Variants in HLX observed in about 807,000 individuals in gnomAD.
The protein encoded by HLX is H2.0-like homeobox protein.
In HLX, 6 loss-of-function variants were observed where a neutral mutation model predicts 27.7. The ratio of observed to expected loss-of-function variants is 0.22; its 90% CI spans 0.12 to 0.43. The LOEUF (loss-of-function observed/expected upper bound fraction) is 0.43. HLX is among the 20% of genes least tolerant of loss of function. The pLI is 1.00. For missense variants in HLX, 666 were observed against 655.2 expected, an observed-to-expected ratio of 1.02 and a Z score of -0.18; for synonymous variants, 328 against 293.8, an observed-to-expected ratio of 1.12 and a Z score of -1.19.
rs1024335756 is a variant in HLX at position 220,884,867 on chromosome 1, A to G, written c.*163A>G. The G allele has an allele frequency of 5.2e-6, 6 of 1,164,302 alleles. No homozygotes were observed. In the African/African-American group the frequency reaches 7.7e-5, roughly 15 times the overall value. The allele number at this position is 1,164,302 out of a possible 1,614,324, so 72.1% of individuals were successfully genotyped here. A position where few individuals can be genotyped will look rare whatever the true frequency, so the allele number is the denominator to read the frequency against. On this transcript the variant is annotated 3_prime_UTR_variant, in exon 4 of 4. Coordinates refer to ENST00000366903, the MANE Select transcript of HLX (RefSeq NM_021958.4). This position sits in a 1 kb window ranked among gnomAD's most constrained non-coding sequence, Gnocchi z 4.9. ...GCCCCACGCTGCTCCGACTGGCTGC[A>G]GCGGACACTGCCCAAAGCAGAGGGG...
In HLX at chr1:220,882,357, G is replaced by T; in HGVS notation, c.957+9G>T. ...GCCTCACGGACGCACAGGTAAGGCA[G>T]TTCTGGCTCCAGCGCACAGCGCCCT... On this transcript the variant is annotated intron_variant, in intron 3 of 3. Coordinates refer to ENST00000366903, the MANE Select transcript of HLX (RefSeq NM_021958.4). 1 of 1,613,786 alleles carries T rather than the reference G, an allele frequency of 6.2e-7. No individual in the cohort carries two copies. Among genetic ancestry groups the T allele is most frequent in the Non-Finnish European group, 8.5e-7 (1 of 1,179,862 alleles).
In HLX at chr1:220,879,665, C is replaced by T; in HGVS notation, c.-193C>T. 2 of 889,966 alleles carry T rather than the reference C, an allele frequency of 2.2e-6. No individual in the cohort carries two copies. Among genetic ancestry groups the T allele is most frequent in the South Asian group, 2.0e-5 (1 of 48,828 alleles). 55.1% of individuals were successfully genotyped at this position (889,966 alleles called of 1,614,324 possible). Reference sequence around the variant, plus strand: ...GGCCAGGGAGCGAGGCGGTGACCGGCCGAGATCCGGCCCTCGCCTCCTCCC... The same window carrying T: ...GGCCAGGGAGCGAGGCGGTGACCGGTCGAGATCCGGCCCTCGCCTCCTCCC... On this transcript the variant is annotated 5_prime_UTR_variant, in exon 1 of 4. Coordinates refer to ENST00000366903, the MANE Select transcript of HLX (RefSeq NM_021958.4).
At chr1:220,882,592 G>C (rs1285989221) in intron 3 of HLX, 1 of 534,630 alleles carries the variant, frequency 1.9e-6, no homozygotes, top group African/African-American at 1.9e-5. Context: ...AGCACTGCAT[G>C]TTTATTTTGG....
At chr1:220,882,442 C>T (rs555268090) in intron 3 of HLX, 94 bp downstream of exon 3, 36 of 1,166,856 alleles carry the variant, frequency 3.1e-5, no homozygotes, top group Non-Finnish European at 4.5e-5. Context: ...GCCGACTGGC[C>T]TCCTGCGGTG....
At chr1:220,882,493 C>A in intron 3 of HLX, 145 bp downstream of exon 3, 1 of 706,226 alleles carries the variant, frequency 1.4e-6, no homozygotes, top group Non-Finnish European at 2.4e-6. Flanking sequence ...TTGTGGACTA[C>A]GCAACTTGAG....
Position 220,884,663 on chromosome 1 carries a change from A to C in HLX, c.1426A>C (p.Lys476Gln). ...ACAGCCCACAGCCAGCAGCGCTCCCAAAAGCCCCGAGCCAGCCCAAGGCGC... is the reference window on the plus strand; with the variant it reads ...ACAGCCCACAGCCAGCAGCGCTCCCCAAAGCCCCGAGCCAGCCCAAGGCGC... ...ATQPTASSAP[K>Q]SPEPAQGALG... Residue 476 changes from lysine (K) to glutamine (Q), a missense_variant, in exon 4 of 4, where the codon AAA becomes CAA. Physicochemically the swap from Lys to Gln is moderately conservative, Grantham distance 53 (BLOSUM62 1). Coordinates refer to ENST00000366903, the MANE Select transcript of HLX (RefSeq NM_021958.4). The surrounding 1 kb of genome is among the most constrained non-coding windows in gnomAD (Gnocchi z 4.9). The C allele has an allele frequency of 6.2e-7, 1 of 1,610,776 alleles. No individual in the cohort carries two copies. The highest frequency in any genetic ancestry group is 8.5e-7 in the Non-Finnish European group (1 of 1,179,376).
intron 1 of HLX, chr1:220,880,692 A>G (rs879473383): frequency 1.2e-5 from 7 of 588,464 alleles, no homozygotes; most frequent in Non-Finnish European, 1.8e-5. Context: ...AATATTTATA[A>G]AAGTGGTTGG....
Position 220,880,502 on chromosome 1 carries a change from A to C in HLX, c.592+53A>C, listed in dbSNP as rs1674402449. 11 of 1,598,324 alleles carry C rather than the reference A, an allele frequency of 6.9e-6. No individual in the cohort carries two copies. The South Asian group carries it at 1.2e-4, about 18-fold the overall frequency. The stretch of plus-strand genomic sequence containing the variant: ...CTCTGACCACTGACCCACTCCCCGG[A>C]CCCCGGGCTGGCTTGGGGTGCCTTT... On this transcript the variant is annotated intron_variant, in intron 1 of 3. Coordinates refer to ENST00000366903, the MANE Select transcript of HLX (RefSeq NM_021958.4).
At chr1:220,883,292 C>T (rs1674498413) in intron 3 of HLX, 1 of 18,084 alleles carries the variant, frequency 5.5e-5, no homozygotes, top group Non-Finnish European at 1.0e-4. Flanking sequence ...AGTACACACA[C>T]ACACACACAC....
intron 2 of HLX, chr1:220,881,593 A>C: frequency 1.2e-5 from 7 of 581,216 alleles, no homozygotes; most frequent in East Asian, 3.1e-5. Flanking sequence ...GATCCCAGAA[A>C]GTGTGTGCGT....
chr1:220,879,989 C>A lies in HLX; in HGVS notation c.132C>A (p.Phe44Leu). ...LDPAAVKKPS[F>L]CIADILHAGV... ...CCGCCGCCGTCAAAAAGCCCTCCTT[C>A]TGCATCGCAGACATTCTGCACGCCG... The change falls in exon 1 of 4, where the codon TTC (phenylalanine) becomes TTA (leucine). Residue 44 changes from phenylalanine (F) to leucine (L), a missense_variant. Phe to Leu is a conservative substitution (Grantham distance 22, BLOSUM62 0). Coordinates refer to ENST00000366903, the MANE Select transcript of HLX (RefSeq NM_021958.4). The A allele has an allele frequency of 1.3e-6, 2 of 1,598,790 alleles. No homozygotes were observed. The highest frequency in any genetic ancestry group is 2.2e-5 in the South Asian group (2 of 90,752).
intron 3 of HLX, 80 bp downstream of exon 3, chr1:220,882,428 C>G: frequency 7.4e-7 from 1 of 1,351,078 alleles, no homozygotes; most frequent in Non-Finnish European, 1.0e-6. Context: ...TCCCCTCCAT[C>G]CCGGCCGACT....
intron 3 of HLX, 197 bp downstream of exon 3, chr1:220,882,545 C>G (rs1324249152): frequency 1.2e-5 from 7 of 592,302 alleles, no homozygotes; most frequent in African/African-American, 1.1e-4. Context: ...GGGAGAAGGA[C>G]CGAGAGAAGA....
Position 220,879,965 on chromosome 1 carries a change from C to T in HLX, c.108C>T (p.Pro36=), listed in dbSNP as rs1674386625. 1 of 1,598,710 alleles carries T rather than the reference C, an allele frequency of 6.3e-7. No homozygotes were observed. The highest frequency in any genetic ancestry group is 1.3e-5 in the African/African-American group (1 of 74,932). ...GPGGCSFPLD[P]AAVKKPSFCI... ...GCGGCTGCTCCTTCCCCTTGGACCCCGCCGCCGTCAAAAAGCCCTCCTTCT... is the reference window on the plus strand; with the variant it reads ...GCGGCTGCTCCTTCCCCTTGGACCCTGCCGCCGTCAAAAAGCCCTCCTTCT... The change falls in exon 1 of 4, where the codon CCC becomes CCT. Residue 36 remains proline, a synonymous_variant. Coordinates refer to ENST00000366903, the MANE Select transcript of HLX (RefSeq NM_021958.4).
chr1:220,884,564 A>T lies in HLX; in HGVS notation c.1327A>T (p.Ser443Cys), dbSNP rs1325509471. Reference sequence around the variant, plus strand: ...CAGCTTCAGCAGCGCCAGCAGTCTTAGTAGCAGCAGCACCAGTGCGGGTTG... The same window carrying T: ...CAGCTTCAGCAGCGCCAGCAGTCTTTGTAGCAGCAGCACCAGTGCGGGTTG... Reference protein sequence around the residue: ...SFSFSSASSLSSSSTSAGCAS... With the variant: ...SFSFSSASSLCSSSTSAGCAS... Residue 443 changes from serine to cysteine, a missense_variant, in exon 4 of 4, where the codon AGT becomes TGT. Physicochemically the swap from Ser to Cys is moderately radical, Grantham distance 112. Transcript: ENST00000366903. The surrounding 1 kb of genome is among the most constrained non-coding windows in gnomAD (Gnocchi z 4.9). 6.2e-7 allele frequency: 1 copy of T among 1,607,994 alleles called. No individual in the cohort carries two copies. Among genetic ancestry groups the T allele is most frequent in the Admixed American group, 1.7e-5 (1 of 59,004 alleles).
chr1:220,880,291 G>C lies in HLX; in HGVS notation c.434G>C (p.Gly145Ala), dbSNP rs371600047. ...CAGCCTCCGCCTCCGCCCCGGGCTG[G>C]CGCCCTGCAGCCCCCGGCCTCGGGG... ...QQQPPPPPRA[G>A]ALQPPASGTR... Residue 145 changes from glycine (G) to alanine (A), a missense_variant, in exon 1 of 4, where the codon GGC becomes GCC. Coordinates refer to ENST00000366903, the MANE Select transcript of HLX (RefSeq NM_021958.4). 1 of 1,610,032 alleles carries C rather than the reference G, an allele frequency of 6.2e-7. No individual in the cohort carries two copies. Among genetic ancestry groups the C allele is most frequent in the Non-Finnish European group, 8.5e-7 (1 of 1,179,348 alleles).
chr1:220,884,974 T>C lies in HLX; in HGVS notation c.*270T>C. 2 of 541,608 alleles carry C rather than the reference T, an allele frequency of 3.7e-6. No individual in the cohort carries two copies. Among genetic ancestry groups the C allele is most frequent in the Non-Finnish European group, 6.5e-6 (2 of 306,182 alleles). 33.6% of individuals were successfully genotyped at this position (541,608 alleles called of 1,614,324 possible). A position where few individuals can be genotyped will look rare whatever the true frequency, so the allele number is the denominator to read the frequency against. The stretch of plus-strand genomic sequence containing the variant: ...ACTGTGAGGTGTTTGACTAAACTGT[T>C]TCTCTGACTCGCCCCAGAGGTCGTG... On this transcript the variant is annotated 3_prime_UTR_variant, in exon 4 of 4. Transcript: ENST00000366903. The surrounding 1 kb of genome is among the most constrained non-coding windows in gnomAD (Gnocchi z 4.9).
At chr1:220,880,506 C>T (rs1674402631) in intron 1 of HLX, 57 bp downstream of exon 1, 1 of 1,601,058 alleles carries the variant, frequency 6.2e-7, no homozygotes, top group Non-Finnish European at 8.6e-7. Context: ...CCCCGGACCC[C>T]GGGCTGGCTT....
At chr1:220,881,763 A>AC (rs1674450698) in intron 2 of HLX, 2 of 306,836 alleles carry the variant, frequency 6.5e-6, no homozygotes, top group East Asian at 8.3e-5. Context: ...TGCGGGAATA[A>AC]ACACACACAC....
Sources: allele counts gnomAD v4.1 joint callset, GRCh38; gene constraint gnomAD v4.1.1; non-coding constraint Gnocchi (gnomAD v3.1); transcripts MANE v1.5; gene names NCBI Gene and HGNC (gene_info 2026-07-23, HGNC 2026-07-21).